MGRN1: variants seen among roughly 807,000 people sequenced by gnomAD.
MGRN1 encodes mahogunin ring finger 1, also known as E3 ubiquitin-protein ligase MGRN1.
MGRN1 carries 29 observed loss-of-function variants against 69.2 expected under a neutral mutation model. The observed-to-expected ratio is 0.42, with a 90% CI of 0.31 to 0.57. MGRN1 has a LOEUF of 0.57. Among genes scored for constraint, MGRN1 ranks in the 20% least tolerant of loss-of-function variants. The probability of loss-of-function intolerance (pLI) is 0.15; values close to 1 mark genes in which losing one functional copy is unlikely to be tolerated. For missense variants in MGRN1, 998 were observed against 796.2 expected (o/e 1.25, Z -3.05); for synonymous variants, 470 against 344.2 (o/e 1.37, Z -4.04).
At chr16:4,683,057 G>A (rs927001636) in intron 14 of MGRN1, 111 bp downstream of exon 14, 1 of 1,477,370 alleles carries the variant, frequency 6.8e-7, no homozygotes, top group Non-Finnish European at 9.1e-7. Flanking sequence ...CCCCGTGCTT[G>A]TTGGCTCTTG....
At chr16:4,654,083 CG>C (rs2078472526) in intron 4 of MGRN1, among the ~76,000 whole-genome samples, 1 of 152,062 alleles carries the variant, frequency 6.6e-6, no homozygotes, top group Admixed American at 6.6e-5. Context: ...TGTTTTTCCT[CG>C]GGAGCTCTTA....
intron 5 of MGRN1, among the ~76,000 whole-genome samples, chr16:4,663,615 G>A (rs1474768986): frequency 6.6e-6 from 1 of 152,210 alleles, no homozygotes; most frequent in Non-Finnish European, 1.5e-5. Flanking sequence ...TGGAGAGGCA[G>A]GGTCCCTGCC....
chr16:4,660,573 C>G (rs946898785), intron 5 of MGRN1, among the ~76,000 whole-genome samples: 1 of 152,254 alleles, frequency 6.6e-6, no homozygotes, highest in Non-Finnish European at 1.5e-5. Flanking sequence ...GGATGCATTC[C>G]AGGCCTGGGC....
chr16:4,686,562 C>A lies in MGRN1; in HGVS notation c.1619-2234C>A, dbSNP rs952294323. On this transcript the variant is annotated intron_variant, in intron 16 of 16. Transcript: ENST00000262370. ...GGACTAGGCGGCCGGTCAGGCTCTTCTTCCAGCCTTGAGGGGCCCTGGAAC... is the reference window on the plus strand; with the variant it reads ...GGACTAGGCGGCCGGTCAGGCTCTTATTCCAGCCTTGAGGGGCCCTGGAAC... 2.6e-5 allele frequency: 34 copies of A among 1,331,118 alleles called. No individual in the cohort carries two copies. The South Asian group carries it at 4.1e-4, about 16-fold the overall frequency. The allele number at this position is 1,331,118 out of a possible 1,614,324, so 82.5% of individuals were successfully genotyped here. A position where few individuals can be genotyped will look rare whatever the true frequency, so the allele number is the denominator to read the frequency against.
chr16:4,664,831 C>T lies in MGRN1; in HGVS notation c.628+56C>T, dbSNP rs549631131. 69 of 1,595,416 alleles carry T rather than the reference C, an allele frequency of 4.3e-5. 1 individual carries two copies. In the South Asian group the frequency reaches 6.8e-4, roughly 16 times the overall value. ...GTGCAGGCCGTGCAGGGAGGAAGCA[C>T]GTCTTGAGGGAGGAGTGCTTGCAGC... On this transcript the variant is annotated intron_variant, in intron 6 of 16. Coordinates refer to ENST00000262370, the MANE Select transcript of MGRN1 (RefSeq NM_015246.4).
rs929228972 is a variant in MGRN1, at chr16:4,690,832, C to T, written c.*1924C>T. The T allele has an allele frequency of 7.2e-6, 1 of 139,406 alleles. No homozygotes were observed. Among genetic ancestry groups the T allele is most frequent in the African/African-American group, 2.6e-5 (1 of 38,590 alleles). The allele number at this position is 139,406 out of a possible 1,614,324, so 8.6% of individuals were successfully genotyped here. A position where few individuals can be genotyped will look rare whatever the true frequency, so the allele number is the denominator to read the frequency against. The stretch of plus-strand genomic sequence containing the variant: ...AAGGCCCCAGCCTCTGGCCATCAGT[C>T]CTGGTGCCAGAGCTTTGCGTGAAGT... On this transcript the variant is annotated 3_prime_UTR_variant, in exon 17 of 17. Coordinates refer to ENST00000262370, the MANE Select transcript of MGRN1 (RefSeq NM_015246.4).
Position 4,677,517 on chromosome 16 carries a change from C to T in MGRN1, c.1010C>T (p.Ser337Phe), listed in dbSNP as rs2079079748. ...GTGCGGAAGAAGCCAGGAGCCCTGT[C>T]CCCCGTGTCCTTCAGCCCCGTCCTG... ...RAVRKKPGALSPVSFSPVLAQ... is the reference protein window; with the variant it reads ...RAVRKKPGALFPVSFSPVLAQ... The change falls in exon 11 of 17, where the codon TCC becomes TTC. Residue 337 changes from serine (S) to phenylalanine (F), a missense_variant. Transcript: ENST00000262370. The T allele has an allele frequency of 4.4e-6, 7 of 1,596,622 alleles. No homozygotes were observed. The highest frequency in any genetic ancestry group is 5.1e-6 in the Non-Finnish European group (6 of 1,177,580).
chr16:4,627,405 T>C (rs550213366), intron 1 of MGRN1, among the ~76,000 whole-genome samples: 9 of 152,392 alleles, frequency 5.9e-5, no homozygotes, highest in African/African-American at 2.2e-4. Flanking sequence ...TGTTTTACTC[T>C]TCATAGCTTT....
intron 1 of MGRN1, among the ~76,000 whole-genome samples, chr16:4,646,107 C>CG (rs148454184): frequency 0.038 from 5,829 of 151,908 alleles, 380 homozygotes; most frequent in African/African-American, 0.13. Context: ...GCGGCTCCGT[C>CG]GGGGGGCTCT....
At position 4,632,310 on chromosome 16, in the gene MGRN1, G is replaced by A. The variant is rs116827698; in HGVS notation, c.88+7262G>A. ...ATTACAGGCATGAGCCACTGCGCCC[G>A]GCTATTCTTAATAACAGTTTTGTTG... On this transcript the variant is annotated intron_variant, in intron 1 of 16. Coordinates refer to ENST00000262370, the MANE Select transcript of MGRN1 (RefSeq NM_015246.4). Among the ~76,000 whole-genome samples, 666 of 152,028 alleles carry A rather than the reference G, an allele frequency of 4.4e-3. 7 individuals carry two copies. Among genetic ancestry groups the A allele is most frequent in the African/African-American group, 0.015 (643 of 41,492 alleles).
rs116714203 is a variant in MGRN1 at position 4,636,567 on chromosome 16, C to T, written c.88+11519C>T. On this transcript the variant is annotated intron_variant, in intron 1 of 16. Transcript: ENST00000262370. ...GGGGCTGTTGGGTGCATTCAGCCTTCGTAGATTTTAAACTTTTAGGAGTGA... is the reference window on the plus strand; with the variant it reads ...GGGGCTGTTGGGTGCATTCAGCCTTTGTAGATTTTAAACTTTTAGGAGTGA... 8.4e-3 allele frequency among the ~76,000 whole-genome samples: 1,281 copies of T among 152,106 alleles called. 13 individuals carry two copies. The highest frequency in any genetic ancestry group is 0.029 in the African/African-American group (1,196 of 41,486).
At chr16:4,669,601 A>G (rs546403263) in intron 8 of MGRN1, among the ~76,000 whole-genome samples, 1 of 152,208 alleles carries the variant, frequency 6.6e-6, no homozygotes, top group Admixed American at 6.5e-5. Flanking sequence ...TTGTGTCTGG[A>G]ACATAGTGTT....
chr16:4,659,940 C>T (rs748087942), intron 5 of MGRN1, among the ~76,000 whole-genome samples: 1 of 152,224 alleles, frequency 6.6e-6, no homozygotes, highest in East Asian at 1.9e-4. Flanking sequence ...TCCGGAGATG[C>T]TTGGAGGCCG....
Position 4,647,793 on chromosome 16 carries a change from G to A in MGRN1, c.89-2572G>A, listed in dbSNP as rs73516861. On this transcript the variant is annotated intron_variant, in intron 1 of 16. Coordinates refer to ENST00000262370, the MANE Select transcript of MGRN1 (RefSeq NM_015246.4). ...GTTGCCGCTTTCTTCTTTGTTTTTG[G>A]TCGTCATCAGCTCTCAGTGGTCCCT... Among the ~76,000 whole-genome samples the A allele has an allele frequency of 1.5e-3, 226 of 152,208 alleles. 1 individual carries two copies. The highest frequency in any genetic ancestry group is 5.1e-3 in the African/African-American group (212 of 41,530).
chr16:4,636,241 C>T (rs1180449147), intron 1 of MGRN1, among the ~76,000 whole-genome samples: 1 of 152,042 alleles, frequency 6.6e-6, no homozygotes, highest in Non-Finnish European at 1.5e-5. Flanking sequence ...CAACCTGCCT[C>T]CCCCTTCTTC....
chr16:4,687,222 G>GC, intron 16 of MGRN1: 1 of 985,110 alleles, frequency 1.0e-6, no homozygotes, highest in Non-Finnish European at 1.2e-6. Context: ...CCCAAGAGGC[G>GC]CCCTCTACCA....
At position 4,684,552 on chromosome 16, in the gene MGRN1, C is replaced by T. The variant is rs143639535; in HGVS notation, c.1618+620C>T. Among the ~76,000 whole-genome samples, 796 of 152,350 alleles carry T rather than the reference C, an allele frequency of 5.2e-3. 9 individuals are homozygous for T. Among genetic ancestry groups the T allele is most frequent in the African/African-American group, 0.018 (754 of 41,584 alleles). On this transcript the variant is annotated intron_variant, in intron 16 of 16. Coordinates refer to ENST00000262370, the MANE Select transcript of MGRN1 (RefSeq NM_015246.4). ...GGCCAGGCACAGAGGACGGCGGGGG[C>T]GCCAGGCGCCAGCGGGGAACAGCAA...
At position 4,683,929 on chromosome 16, in the gene MGRN1, C is replaced by T; in HGVS notation, c.1615C>T (p.Pro539Ser). Residue 539 changes from proline to serine, a missense_variant, in exon 16 of 17, where the codon CCA (proline) becomes TCA (serine). Pro to Ser is a moderately conservative substitution (Grantham distance 74). Coordinates refer to ENST00000262370, the MANE Select transcript of MGRN1 (RefSeq NM_015246.4). ...GRGPPADIYL[P>S]GRPTSMETAH... ...AGGCCCACCTGCTGACATCTACCTG[C>T]CAGGTAAGGGGCTGGGGGTCTGGGG... 6.2e-7 allele frequency: 1 copy of T among 1,600,934 alleles called. No individual in the cohort carries two copies. The highest frequency in any genetic ancestry group is 8.5e-7 in the Non-Finnish European group (1 of 1,173,666).
chr16:4,652,343 C>T (rs1303343352), intron 3 of MGRN1, among the ~76,000 whole-genome samples: 1 of 152,052 alleles, frequency 6.6e-6, no homozygotes, highest in Non-Finnish European at 1.5e-5. Flanking sequence ...TGCAGACTTC[C>T]TGCCATGCAC....
Sources: allele counts gnomAD v4.1 joint callset (sites outside exome capture counted in the v4.1 genomes callset), GRCh38; gene constraint gnomAD v4.1.1; transcripts MANE v1.5; gene names NCBI Gene and HGNC (gene_info 2026-07-23, HGNC 2026-07-21).